The following NELL1 variants were observed in gnomAD, a reference collection of about 807,000 sequenced individuals.
NELL1 encodes the protein neural EGFL like 1.
In NELL1, 76 loss-of-function variants were observed where a neutral mutation model predicts 107.4. The ratio of observed to expected loss-of-function variants is 0.71; its 90% CI spans 0.59 to 0.86. The LOEUF (loss-of-function observed/expected upper bound fraction) is 0.86, where lower values mean the gene tolerates loss of function less well. Among genes scored for constraint, NELL1 ranks in the 40% least tolerant of loss-of-function variants. NELL1 has a pLI of 0.00. For synonymous variants in NELL1, 353 were observed against 341.2 expected, an observed-to-expected ratio of 1.03 and a Z score of -0.38; for missense variants, 1,024 against 1,005.5, an observed-to-expected ratio of 1.02 and a Z score of -0.25.
rs1853843043 is a variant in NELL1 at position 20,669,637 on chromosome 11, C to T, written c.-87C>T. 8.2e-7 allele frequency: 1 copy of T among 1,223,246 alleles called. No individual in the cohort carries two copies. The highest frequency in any genetic ancestry group is 1.5e-5 in the African/African-American group (1 of 66,264). 75.8% of individuals were successfully genotyped at this position (1,223,246 alleles called of 1,614,324 possible). On this transcript the variant is annotated 5_prime_UTR_variant, in exon 1 of 20. Coordinates refer to ENST00000357134, the MANE Select transcript of NELL1 (RefSeq NM_006157.5). This position sits in a 1 kb window ranked among gnomAD's most constrained non-coding sequence, Gnocchi z 4.4. The stretch of plus-strand genomic sequence containing the variant: ...CGCCGCCCGCTAGCAAGTTTGGCGG[C>T]TCCAAGCCAGGCGCGCCTCAGGATC...
At chr11:20,927,813 A>T (rs1228710318) in intron 8 of NELL1, among the ~76,000 whole-genome samples, 1 of 152,208 alleles carries the variant, frequency 6.6e-6, no homozygotes, top group Non-Finnish European at 1.5e-5. Flanking sequence ...TATTTTCTAC[A>T]TGTTTTTATT....
intron 15 of NELL1, among the ~76,000 whole-genome samples, chr11:21,447,590 C>A (rs925123261): frequency 1.3e-5 from 2 of 152,196 alleles, no homozygotes; most frequent in African/African-American, 2.4e-5. Flanking sequence ...AATTGCAAGA[C>A]AAAGTCGACT....
At chr11:21,480,805 A>G (rs1854473818) in intron 15 of NELL1, among the ~76,000 whole-genome samples, 1 of 152,144 alleles carries the variant, frequency 6.6e-6, no homozygotes, top group African/African-American at 2.4e-5. Context: ...TCCCCTCAGA[A>G]TGCTTCATTT....
At chr11:20,987,242 C>T (rs1196939220) in intron 12 of NELL1, among the ~76,000 whole-genome samples, 2 of 152,058 alleles carry the variant, frequency 1.3e-5, no homozygotes, top group Non-Finnish European at 2.9e-5. Flanking sequence ...CTAACTTAAC[C>T]TTGGATGTAC....
At chr11:21,567,108 CCA>C (rs1252524779) in intron 17 of NELL1, among the ~76,000 whole-genome samples, 4 of 151,830 alleles carry the variant, frequency 2.6e-5, no homozygotes, top group Admixed American at 1.3e-4. Context: ...TTGATGCCAG[CCA>C]CAGACACAGA....
At chr11:20,900,216 G>A (rs986992478) in intron 5 of NELL1, among the ~76,000 whole-genome samples, 4 of 152,056 alleles carry the variant, frequency 2.6e-5, no homozygotes, top group African/African-American at 7.2e-5. Context: ...CAGAAGTCTA[G>A]CCCAAACTAG....
chr11:21,491,695 C>G (rs1457687250), intron 15 of NELL1, among the ~76,000 whole-genome samples: 1 of 151,870 alleles, frequency 6.6e-6, no homozygotes, highest in Non-Finnish European at 1.5e-5. Flanking sequence ...TTTTTTGGTT[C>G]CATATGAACT....
At chr11:20,959,109 C>G (rs924744158) in intron 11 of NELL1, among the ~76,000 whole-genome samples, 1 of 152,078 alleles carries the variant, frequency 6.6e-6, no homozygotes, top group African/African-American at 2.4e-5. Context: ...GAACCCATAG[C>G]TAAAGGCATT....
At chr11:21,495,682 C>T (rs56408846) in intron 15 of NELL1, among the ~76,000 whole-genome samples, 21,224 of 152,024 alleles carry the variant, frequency 0.14, 1,620 homozygotes, top group Non-Finnish European at 0.17. Context: ...TATTATCTCA[C>T]TTTTTGATTC....
At chr11:20,961,744 A>G (rs771998808) in intron 12 of NELL1, among the ~76,000 whole-genome samples, 1 of 152,114 alleles carries the variant, frequency 6.6e-6, no homozygotes, top group Non-Finnish European at 1.5e-5. Flanking sequence ...TGGGAGAGCC[A>G]TCTTTTCCTA....
intron 12 of NELL1, among the ~76,000 whole-genome samples, chr11:21,064,690 G>A (rs1853826585): frequency 6.6e-6 from 1 of 152,008 alleles, no homozygotes; most frequent in Admixed American, 6.6e-5. Context: ...AGTGGAGGGT[G>A]GGGGGTGGAG....
intron 12 of NELL1, among the ~76,000 whole-genome samples, chr11:21,007,276 C>T (rs1852347421): frequency 6.6e-6 from 1 of 152,066 alleles, no homozygotes; most frequent in Non-Finnish European, 1.5e-5. Context: ...TTTAAACTTG[C>T]TACAAATGTC....
chr11:20,715,085 T>TA (rs912216262), intron 2 of NELL1, among the ~76,000 whole-genome samples: 50 of 148,946 alleles, frequency 3.4e-4, no homozygotes, highest in African/African-American at 1.0e-3. Context: ...CTACTAAAAA[T>TA]AAAAAAAAAA....
intron 13 of NELL1, among the ~76,000 whole-genome samples, chr11:21,223,006 G>A (rs1424997177): frequency 6.6e-6 from 1 of 152,152 alleles, no homozygotes; most frequent in Non-Finnish European, 1.5e-5. Flanking sequence ...TGAGAAGAAT[G>A]TATGCTTTGT....
intron 15 of NELL1, among the ~76,000 whole-genome samples, chr11:21,452,014 A>C (rs1179904890): frequency 2.0e-5 from 3 of 152,152 alleles, no homozygotes; most frequent in Admixed American, 1.3e-4. Flanking sequence ...GTTCAGTACT[A>C]GTTTTAGACC....
intron 14 of NELL1, among the ~76,000 whole-genome samples, chr11:21,319,131 ATGTGTG>A (rs35208989): frequency 1.4e-5 from 2 of 146,642 alleles, no homozygotes; most frequent in Admixed American, 6.8e-5. Context: ...TCTCAGCAAT[ATGTGTG>A]TGTGTGTGTG....
rs559330474 is a variant in NELL1, at chr11:21,017,577, C to T, written c.1300+57017C>T. ...AGTTTAATGCAGAGAATTATGGTAC[C>T]GGCTTCAGAGAATTAACTGAAAAAC... On this transcript the variant is annotated intron_variant, in intron 12 of 19. Transcript: ENST00000357134. Among the ~76,000 whole-genome samples the T allele has an allele frequency of 5.3e-5, 8 of 152,032 alleles. No individual in the cohort carries two copies. The East Asian group carries it at 5.8e-4, about 11-fold the overall frequency.
In NELL1 at chr11:21,229,320, C is replaced by T. The variant is rs771560720; in HGVS notation, c.1427-12C>T. The T allele has an allele frequency of 1.3e-5, 21 of 1,613,524 alleles. No homozygotes were observed. Among genetic ancestry groups the T allele is most frequent in the Non-Finnish European group, 1.8e-5 (21 of 1,179,752 alleles). On this transcript the variant is annotated splice_polypyrimidine_tract_variant and intron_variant, in intron 13 of 19. Transcript: ENST00000357134. ...AAAAAGTATTTCTCTTTTTCTCTCA[C>T]CCTGGAAACAGAACACGATGAATGT...
At chr11:20,698,643 T>C (rs1222729459) in intron 2 of NELL1, among the ~76,000 whole-genome samples, 1 of 152,198 alleles carries the variant, frequency 6.6e-6, no homozygotes, top group Non-Finnish European at 1.5e-5. Context: ...AAGACATTCA[T>C]ATTAAAATTT....
Sources: allele counts gnomAD v4.1 joint callset (sites outside exome capture counted in the v4.1 genomes callset), GRCh38; gene constraint gnomAD v4.1.1; non-coding constraint Gnocchi (gnomAD v3.1); transcripts MANE v1.5; gene names NCBI Gene and HGNC (gene_info 2026-07-23, HGNC 2026-07-21).